ZYG11B: variants seen among roughly 807,000 people sequenced by gnomAD.
The protein encoded by ZYG11B is protein zyg-11 homolog B.
In ZYG11B, 36 loss-of-function variants were observed where a neutral mutation model predicts 82.4. The ratio of observed to expected loss-of-function variants is 0.44; its 90% CI spans 0.33 to 0.58. The LOEUF is 0.58. ZYG11B is among the 20% of genes least tolerant of loss of function. The pLI is 0.02. For synonymous variants in ZYG11B, 303 were observed against 312.8 expected, an observed-to-expected ratio of 0.97 and a Z score of 0.33; for missense variants, 552 against 895.6, an observed-to-expected ratio of 0.62 and a Z score of 4.90.
chr1:52,819,794 AT>A (rs373929904), intron 13 of ZYG11B, among the ~76,000 whole-genome samples: 7,555 of 140,970 alleles, frequency 0.054, 508 homozygotes, highest in East Asian at 0.36. Flanking sequence ...TGAAAAAAAA[AT>A]AATAATAATA....
intron 10 of ZYG11B, among the ~76,000 whole-genome samples, chr1:52,803,642 C>T (rs1040127213): frequency 1.3e-5 from 2 of 152,132 alleles, no homozygotes; most frequent in Non-Finnish European, 2.9e-5. Context: ...CACTCTGTTG[C>T]CCATTGTGCA....
At chr1:52,808,610 C>G (rs770790756) in intron 10 of ZYG11B, among the ~76,000 whole-genome samples, 1 of 152,166 alleles carries the variant, frequency 6.6e-6, no homozygotes, top group Non-Finnish European at 1.5e-5. Flanking sequence ...AAGTGATTCT[C>G]TCACCTTGCC....
At chr1:52,813,771 G>T in intron 11 of ZYG11B, 38 bp downstream of exon 11, 6 of 1,612,498 alleles carry the variant, frequency 3.7e-6, no homozygotes, top group Non-Finnish European at 5.1e-6. Context: ...CATTCATAGT[G>T]GTTAAACTAT....
chr1:52,747,068 C>T (rs1190868789), intron 1 of ZYG11B, among the ~76,000 whole-genome samples: 1 of 151,414 alleles, frequency 6.6e-6, no homozygotes, highest in Non-Finnish European at 1.5e-5. Context: ...TCCTCATATA[C>T]AAAATGGTAT....
At chr1:52,804,339 A>G (rs1050248742) in intron 10 of ZYG11B, among the ~76,000 whole-genome samples, 21 of 152,158 alleles carry the variant, frequency 1.4e-4, no homozygotes, top group African/African-American at 5.1e-4. Flanking sequence ...AAGGCCGAGT[A>G]TAGTGGCTCA....
chr1:52,776,229 A>AAATATATATATATATATATAT, intron 3 of ZYG11B, among the ~76,000 whole-genome samples: 5 of 23,544 alleles, frequency 2.1e-4, no homozygotes, highest in Non-Finnish European at 4.6e-4. Flanking sequence ...TAAAAAAAAA[A>AAATATATATATATATATATAT]ATATATATAT....
At chr1:52,793,836 G>A (rs994660158) in intron 6 of ZYG11B, among the ~76,000 whole-genome samples, 3 of 135,760 alleles carry the variant, frequency 2.2e-5, no homozygotes, top group Non-Finnish European at 4.5e-5. Context: ...CTAAGTCCTC[G>A]GACAGGTTTC....
intron 10 of ZYG11B, among the ~76,000 whole-genome samples, chr1:52,802,709 G>GAGAA (rs751594897): frequency 6.6e-6 from 1 of 151,880 alleles, no homozygotes; most frequent in Non-Finnish European, 1.5e-5. Flanking sequence ...GAGAGAGAGA[G>GAGAA]AGAAAGAAAG....
At chr1:52,819,167 T>C (rs1225840879) in intron 13 of ZYG11B, among the ~76,000 whole-genome samples, 1 of 152,154 alleles carries the variant, frequency 6.6e-6, no homozygotes, top group East Asian at 1.9e-4. Context: ...AGAAGAATAA[T>C]TCAATGAATG....
intron 6 of ZYG11B, among the ~76,000 whole-genome samples, chr1:52,793,868 T>TTTGTTTCCTTCCTTCCTTCCTTCC (rs1553261660): frequency 3.1e-5 from 3 of 95,436 alleles, no homozygotes; most frequent in African/African-American, 1.3e-4. Context: ...CTTTTCTTTC[T>TTTGTTTCCTTCCTTCCTTCCTTCC]TTCCTTCCTT....
chr1:52,804,882 G>A (rs1161551066), intron 10 of ZYG11B, among the ~76,000 whole-genome samples: 7 of 151,420 alleles, frequency 4.6e-5, no homozygotes, highest in African/African-American at 1.5e-4. Flanking sequence ...ACCTGAGGTC[G>A]GGAGTTCGAG....
At chr1:52,786,115 A>C (rs1003810286) in intron 5 of ZYG11B, among the ~76,000 whole-genome samples, 3 of 152,226 alleles carry the variant, frequency 2.0e-5, no homozygotes, top group Non-Finnish European at 4.4e-5. Flanking sequence ...AAAATAAAAA[A>C]CATACCATTA....
At chr1:52,741,992 A>G (rs1186189142) in intron 1 of ZYG11B, among the ~76,000 whole-genome samples, 1 of 152,196 alleles carries the variant, frequency 6.6e-6, no homozygotes, top group African/African-American at 2.4e-5. Flanking sequence ...ATCTATTTCT[A>G]TCATTAAATT....
chr1:52,744,764 C>G (rs1383908154), intron 1 of ZYG11B, among the ~76,000 whole-genome samples: 2 of 152,140 alleles, frequency 1.3e-5, no homozygotes, highest in Admixed American at 1.3e-4. Context: ...ATCTCTTGAA[C>G]CCGGGAGGCG....
chr1:52,798,885 G>A (rs1373442229), intron 8 of ZYG11B, among the ~76,000 whole-genome samples: 2 of 152,076 alleles, frequency 1.3e-5, no homozygotes, highest in Non-Finnish European at 1.5e-5. Context: ...CTGGCATGAG[G>A]TGTTTGAATA....
chr1:52,771,903 C>T lies in ZYG11B; in HGVS notation c.951+129C>T, dbSNP rs139689371. 2.1e-4 allele frequency: 238 copies of T among 1,126,180 alleles called. 1 individual carries two copies. The highest frequency in any genetic ancestry group is 2.8e-4 in the Non-Finnish European group (226 of 799,624). The allele number at this position is 1,126,180 out of a possible 1,614,324, so 69.8% of individuals were successfully genotyped here. ...AACAGGGCTGCATATAGTTGAAAGGCTTAGAGTCCTAATTAAAATCTCAGC... is the reference window on the plus strand; with the variant it reads ...AACAGGGCTGCATATAGTTGAAAGGTTTAGAGTCCTAATTAAAATCTCAGC... On this transcript the variant is annotated intron_variant, in intron 3 of 13. Coordinates refer to ENST00000294353, the MANE Select transcript of ZYG11B (RefSeq NM_024646.3). This position sits in a 1 kb window ranked among gnomAD's most constrained non-coding sequence, Gnocchi z 5.4.
intron 12 of ZYG11B, among the ~76,000 whole-genome samples, chr1:52,815,810 C>T (rs558133111): frequency 1.3e-4 from 19 of 147,896 alleles, no homozygotes; most frequent in Non-Finnish European, 2.4e-4. Context: ...TGGCAGGCGC[C>T]TGTAGTCCCA....
rs61503874 is a variant in ZYG11B, at chr1:52,813,706, C to T, written c.1866C>T (p.Ser622=). The T allele has an allele frequency of 7.1e-3, 11,476 of 1,614,030 alleles. 644 individuals are homozygous for T. In the African/African-American group the frequency reaches 0.13, roughly 18 times the overall value. ...AACAAGCTTGGACATTGAGTCGTAG[C>T]CAGAGGAATTCTCTGCTGGATGATT... ...RGEQAWTLSR[S]QRNSLLDDLH... Residue 622 remains serine (S), a synonymous_variant, in exon 11 of 14, where the codon AGC becomes AGT. Transcript: ENST00000294353.
Position 52,826,800 on chromosome 1 carries a change from A to G in ZYG11B, c.*5171A>G, listed in dbSNP as rs566918026. 5.9e-5 allele frequency: 9 copies of G among 152,302 alleles called. No homozygotes were observed. Among genetic ancestry groups the G allele is most frequent in the African/African-American group, 2.2e-4 (9 of 41,566 alleles). The allele number at this position is 152,302 out of a possible 1,614,324, so 9.4% of individuals were successfully genotyped here. A position where few individuals can be genotyped will look rare whatever the true frequency, so the allele number is the denominator to read the frequency against. On this transcript the variant is annotated 3_prime_UTR_variant, in exon 14 of 14. Coordinates refer to ENST00000294353, the MANE Select transcript of ZYG11B (RefSeq NM_024646.3). Reference sequence around the variant, plus strand: ...AAAATTATTTTGTGGGAAATCATCAATCTATTTTATTAATGTTATGTGTTT... The same window carrying G: ...AAAATTATTTTGTGGGAAATCATCAGTCTATTTTATTAATGTTATGTGTTT...
Sources: gnomAD v4.1 joint callset for allele counts (sites outside exome capture counted in the v4.1 genomes callset) on GRCh38, gnomAD v4.1.1 for gene constraint, Gnocchi (gnomAD v3.1) non-coding constraint, MANE v1.5 for transcripts, NCBI Gene and HGNC (gene_info 2026-07-23, HGNC 2026-07-21) for gene names.